The following GET3 variants were observed in gnomAD, a reference collection of about 807,000 sequenced individuals.
GET3 encodes the protein ATPase GET3.
In GET3, 15 loss-of-function variants were observed where a neutral mutation model predicts 32.4. The observed-to-expected ratio is 0.46, with a 90% CI of 0.31 to 0.71. GET3 has a LOEUF of 0.71. Among genes scored for constraint, GET3 ranks in the 30% least tolerant of loss-of-function variants. The probability of loss-of-function intolerance (pLI) is 0.05; values close to 1 mark genes in which losing one functional copy is unlikely to be tolerated. For missense variants in GET3, 333 were observed against 459.0 expected (o/e 0.73, Z 2.51); for synonymous variants, 198 against 185.6 (o/e 1.07, Z -0.54).
upstream of GET3, chr19:12,737,326 G>A (rs1967587528): frequency 4.4e-6 from 4 of 908,504 alleles, no homozygotes; most frequent in Non-Finnish European, 6.2e-6. Flanking sequence ...ATAGACCAGA[G>A]GTTGACAAAG....
At chr19:12,738,792 A>T (rs1599446841) in intron 2 of GET3, 134 bp downstream of exon 2, 1 of 1,211,346 alleles carries the variant, frequency 8.3e-7, no homozygotes, top group East Asian at 2.5e-5. Flanking sequence ...CTTCCTCAAC[A>T]TACTCACAAG....
At position 12,747,379 on chromosome 19, in the gene GET3, C is replaced by G; in HGVS notation, c.718-16C>G. 1 of 1,614,062 alleles carries G rather than the reference C, an allele frequency of 6.2e-7. No individual in the cohort carries two copies. The highest frequency in any genetic ancestry group is 1.1e-5 in the South Asian group (1 of 91,084). The stretch of plus-strand genomic sequence containing the variant: ...GGCAGACCCCGCCCCTCACTGTCCT[C>G]TCTCGTGCCCTGTAGGAGCAGACAA... On this transcript the variant is annotated splice_polypyrimidine_tract_variant and intron_variant, in intron 5 of 6. Coordinates refer to ENST00000357332, the MANE Select transcript of GET3 (RefSeq NM_004317.4). This position sits in a 1 kb window ranked among gnomAD's most constrained non-coding sequence, Gnocchi z 4.0.
chr19:12,746,966 C>T (rs1361799700), intron 4 of GET3, among the ~76,000 whole-genome samples: 1 of 150,182 alleles, frequency 6.7e-6, no homozygotes, highest in Admixed American at 6.7e-5. Flanking sequence ...GCCAAAATCA[C>T]GCCATTGTAC....
chr19:12,738,708 C>G, intron 2 of GET3, 50 bp downstream of exon 2: 1 of 1,611,110 alleles, frequency 6.2e-7, no homozygotes. Context: ...CCTCTTCCAG[C>G]CTTTCTTGTG....
chr19:12,742,712 C>T (rs1394510498), intron 2 of GET3, among the ~76,000 whole-genome samples: 1 of 151,940 alleles, frequency 6.6e-6, no homozygotes, highest in Non-Finnish European at 1.5e-5. Flanking sequence ...CCGCGCCTGG[C>T]CTGTATTTTT....
At chr19:12,743,432 C>T (rs1049503930) in intron 2 of GET3, among the ~76,000 whole-genome samples, 13 of 151,340 alleles carry the variant, frequency 8.6e-5, no homozygotes, top group African/African-American at 2.9e-4. Flanking sequence ...GCCAAGATCA[C>T]GCCATTGTCC....
chr19:12,747,701 C>A lies in GET3; in HGVS notation c.915+109C>A. 1 of 1,353,320 alleles carries A rather than the reference C, an allele frequency of 7.4e-7. No homozygotes were observed. Among genetic ancestry groups the A allele is most frequent in the Non-Finnish European group, 1.0e-6 (1 of 995,382 alleles). 83.8% of individuals were successfully genotyped at this position (1,353,320 alleles called of 1,614,324 possible). A position where few individuals can be genotyped will look rare whatever the true frequency, so the allele number is the denominator to read the frequency against. ...CTGCCCTCTAGCCTCCTGCCCTTTG[C>A]CCCCACATTTCAGATCCTTCACCCT... On this transcript the variant is annotated intron_variant, in intron 6 of 6. Transcript: ENST00000357332. The surrounding 1 kb of genome is among the most constrained non-coding windows in gnomAD (Gnocchi z 4.0).
Position 12,745,849 on chromosome 19 carries a change from A to C in GET3, c.609+90A>C. 4.8e-6 allele frequency: 7 copies of C among 1,454,886 alleles called. No homozygotes were observed. Among genetic ancestry groups the C allele is most frequent in the African/African-American group, 1.4e-5 (1 of 70,780 alleles). 90.1% of individuals were successfully genotyped at this position (1,454,886 alleles called of 1,614,324 possible). A position where few individuals can be genotyped will look rare whatever the true frequency, so the allele number is the denominator to read the frequency against. ...CCAGACCCTCAAATGCGCACTAACA[A>C]TTCCCTTTCCTTCCCACCCCTTCTC... On this transcript the variant is annotated intron_variant, in intron 4 of 6. Transcript: ENST00000357332. The surrounding 1 kb of genome is among the most constrained non-coding windows in gnomAD (Gnocchi z 5.0).
chr19:12,746,715 A>G (rs545422316), intron 4 of GET3, among the ~76,000 whole-genome samples: 1 of 152,272 alleles, frequency 6.6e-6, no homozygotes, highest in East Asian at 1.9e-4. Context: ...TTCCCTAAAA[A>G]TGGCAAAGCT....
rs1967799022 is a variant in GET3 at position 12,747,651 on chromosome 19, A to G, written c.915+59A>G. 1 of 1,560,940 alleles carries G rather than the reference A, an allele frequency of 6.4e-7. No homozygotes were observed. The highest frequency in any genetic ancestry group is 1.4e-5 in the African/African-American group (1 of 73,308). On this transcript the variant is annotated intron_variant, in intron 6 of 6. Coordinates refer to ENST00000357332, the MANE Select transcript of GET3 (RefSeq NM_004317.4). The surrounding 1 kb of genome is among the most constrained non-coding windows in gnomAD (Gnocchi z 4.0). Reference sequence around the variant, plus strand: ...GGCACCTCTGCCCCTTTATTCTCTGATCTTTTGCTCCACCATCTGGCCCTC... The same window carrying G: ...GGCACCTCTGCCCCTTTATTCTCTGGTCTTTTGCTCCACCATCTGGCCCTC...
Position 12,747,599 on chromosome 19 carries a change from C to T in GET3, c.915+7C>T, listed in dbSNP as rs376163874. ...GGCCAAGTATCTGGACCAGGTGTGCCCACCCACCCAGCACTGGCTCAGCAG... is the reference window on the plus strand; with the variant it reads ...GGCCAAGTATCTGGACCAGGTGTGCTCACCCACCCAGCACTGGCTCAGCAG... On this transcript the variant is annotated splice_region_variant and intron_variant, in intron 6 of 6. Transcript: ENST00000357332. This position sits in a 1 kb window ranked among gnomAD's most constrained non-coding sequence, Gnocchi z 4.0. The T allele has an allele frequency of 4.3e-6, 7 of 1,611,688 alleles. No homozygotes were observed. The African/African-American group carries it at 6.7e-5, about 15-fold the overall frequency.
At chr19:12,738,484 C>T in intron 1 of GET3, 27 bp from the exon 2 acceptor site, 1 of 1,613,204 alleles carries the variant, frequency 6.2e-7, no homozygotes, top group Non-Finnish European at 8.5e-7. Context: ...CCCTCATCCC[C>T]TATCTTTTGA....
chr19:12,748,099 C>T lies in GET3; in HGVS notation c.1042C>T (p.Gln348Ter). 1.3e-6 allele frequency: 2 copies of T among 1,587,630 alleles called. No homozygotes were observed. Among genetic ancestry groups the T allele is most frequent in the East Asian group, 2.3e-5 (1 of 44,230 alleles). Residue 348 changes from glutamine to a stop codon, truncating the protein, a stop_gained, in exon 7 of 7, where the codon CAG becomes TAG. Transcript: ENST00000357332. LOFTEE classifies it high-confidence loss of function. ...LLEPYKPPSA[Q>*] ...GGAGCCCTACAAGCCCCCCAGTGCCCAGTAGCACAGCTGCCAGCCCCAACC... is the reference window on the plus strand; with the variant it reads ...GGAGCCCTACAAGCCCCCCAGTGCCTAGTAGCACAGCTGCCAGCCCCAACC...
intron 4 of GET3, among the ~76,000 whole-genome samples, chr19:12,746,467 C>A (rs1320463376): frequency 6.6e-6 from 1 of 152,188 alleles, no homozygotes; most frequent in African/African-American, 2.4e-5. Flanking sequence ...AACCCTAAAG[C>A]CCCCACAGTG....
At chr19:12,744,698 T>G (rs1967737608) in intron 2 of GET3, among the ~76,000 whole-genome samples, 1 of 152,168 alleles carries the variant, frequency 6.6e-6, no homozygotes. Context: ...GTGAACTAGA[T>G]GGTAAAACCC....
chr19:12,744,043 CAAA>C (rs753666928), intron 2 of GET3, among the ~76,000 whole-genome samples: 5 of 47,798 alleles, frequency 1.0e-4, no homozygotes, highest in Admixed American at 2.5e-4. Context: ...GACTCCATCT[CAAA>C]AAAAAAAAAA....
chr19:12,737,863 G>A (rs1476846511), intron 1 of GET3, among the ~76,000 whole-genome samples, 197 bp downstream of exon 1: 2 of 152,160 alleles, frequency 1.3e-5, no homozygotes, highest in African/African-American at 4.8e-5. Flanking sequence ...TGGACCATCC[G>A]TGTTGGGGCT....
In GET3 at chr19:12,747,687, C is replaced by T; in HGVS notation, c.915+95C>T. On this transcript the variant is annotated intron_variant, in intron 6 of 6. Transcript: ENST00000357332. The surrounding 1 kb of genome is among the most constrained non-coding windows in gnomAD (Gnocchi z 4.0). The stretch of plus-strand genomic sequence containing the variant: ...CACCATCTGGCCCTCTGCCCTCTAG[C>T]CTCCTGCCCTTTGCCCCCACATTTC... 1 of 1,415,094 alleles carries T rather than the reference C, an allele frequency of 7.1e-7. No individual in the cohort carries two copies. Among genetic ancestry groups the T allele is most frequent in the Non-Finnish European group, 9.6e-7 (1 of 1,045,500 alleles). The allele number at this position is 1,415,094 out of a possible 1,614,324, so 87.7% of individuals were successfully genotyped here.
intron 1 of GET3, 56 bp from the exon 2 acceptor site, chr19:12,738,455 C>T: frequency 8.7e-6 from 14 of 1,602,658 alleles, no homozygotes; most frequent in Non-Finnish European, 1.2e-5. Flanking sequence ...CCTTGCAGAC[C>T]CAGGGAACAG....
Sources: gnomAD v4.1 joint callset for allele counts (sites outside exome capture counted in the v4.1 genomes callset) on GRCh38, gnomAD v4.1.1 for gene constraint, Gnocchi (gnomAD v3.1) non-coding constraint, MANE v1.5 for transcripts, NCBI Gene and HGNC (gene_info 2026-07-23, HGNC 2026-07-21) for gene names.